The following SGIP1 variants were observed in gnomAD, a reference collection of about 807,000 sequenced individuals.
The protein encoded by SGIP1 is SH3GL interacting endocytic adaptor 1, also known as SH3-containing GRB2-like protein 3-interacting protein 1.
In SGIP1, 38 loss-of-function variants were observed where a neutral mutation model predicts 107.5. The observed-to-expected ratio is 0.35, with a 90% CI of 0.27 to 0.46. The LOEUF is 0.46. Ranked by LOEUF, SGIP1 falls within the 20% of genes least tolerant of loss-of-function variation. SGIP1 has a pLI of 1.00. For missense variants in SGIP1, 929 were observed against 1,019.5 expected, an observed-to-expected ratio of 0.91 and a Z score of 1.21; for synonymous variants, 365 against 366.1, an observed-to-expected ratio of 1.00 and a Z score of 0.03.
At chr1:66,631,699 C>CTCTCTT in intron 2 of SGIP1, among the ~76,000 whole-genome samples, 1 of 36,830 alleles carries the variant, frequency 2.7e-5, no homozygotes, top group Middle Eastern at 0.011. Flanking sequence ...CTCTCTCTCT[C>CTCTCTT]TCTCTCTCTC....
intron 1 of SGIP1, among the ~76,000 whole-genome samples, chr1:66,572,592 C>T (rs1330741876): frequency 1.3e-5 from 2 of 152,046 alleles, no homozygotes; most frequent in South Asian, 2.1e-4. Context: ...AAAACATGCA[C>T]TTCCCTTTTG....
At chr1:66,579,810 A>G (rs2061572444) in intron 1 of SGIP1, among the ~76,000 whole-genome samples, 1 of 152,060 alleles carries the variant, frequency 6.6e-6, no homozygotes, top group Non-Finnish European at 1.5e-5. Context: ...CCCAAATACA[A>G]CTGGTCATTC....
chr1:66,719,291 C>T lies in SGIP1; in HGVS notation c.1631-3C>T, dbSNP rs754330491. ...ATAAATGAAAATTTTTCATTTCATG[C>T]AGGTTCTTCCAGGGGACCCAGCCCC... On this transcript the variant is annotated splice_region_variant and splice_polypyrimidine_tract_variant and intron_variant, in intron 18 of 24. Transcript: ENST00000371037. 26 of 1,598,528 alleles carry T rather than the reference C, an allele frequency of 1.6e-5. No individual in the cohort carries two copies. The African/African-American group carries it at 3.2e-4, about 20-fold the overall frequency.
intron 18 of SGIP1, 118 bp from the exon 19 acceptor site, chr1:66,719,176 T>G: frequency 3.4e-6 from 2 of 596,288 alleles, no homozygotes; most frequent in South Asian, 2.7e-5. Context: ...TCTTAGCACA[T>G]TTTGTTTTAC....
At chr1:66,738,731 T>A (rs1196620759) in intron 21 of SGIP1, among the ~76,000 whole-genome samples, 1 of 152,192 alleles carries the variant, frequency 6.6e-6, no homozygotes, top group Non-Finnish European at 1.5e-5. Context: ...AAACCAGGTG[T>A]GAAATCCCAA....
At position 66,719,418 on chromosome 1, in the gene SGIP1, C is replaced by G. The variant is rs2093411372; in HGVS notation, c.1742+13C>G. ...CAGACCCAAGCAAGTAAGCCTGATA[C>G]TTGGTCCATTGTACTTTCTGAGTTC... On this transcript the variant is annotated intron_variant, in intron 19 of 24. Transcript: ENST00000371037. 6.3e-7 allele frequency: 1 copy of G among 1,594,742 alleles called. No homozygotes were observed. Among genetic ancestry groups the G allele is most frequent in the East Asian group, 2.2e-5 (1 of 44,716 alleles).
intron 1 of SGIP1, among the ~76,000 whole-genome samples, chr1:66,543,952 T>G (rs2055668211): frequency 6.6e-6 from 1 of 152,180 alleles, no homozygotes; most frequent in Non-Finnish European, 1.5e-5. Flanking sequence ...ATTTATAAAT[T>G]AGGCACAGTA....
chr1:66,712,374 A>G (rs575506472), intron 18 of SGIP1, among the ~76,000 whole-genome samples: 2 of 152,288 alleles, frequency 1.3e-5, no homozygotes, highest in African/African-American at 4.8e-5. Flanking sequence ...GGAAGAGATT[A>G]TACGGAAAAT....
chr1:66,725,667 A>G (rs1454764089), intron 19 of SGIP1, among the ~76,000 whole-genome samples: 2 of 152,236 alleles, frequency 1.3e-5, no homozygotes, highest in South Asian at 4.1e-4. Flanking sequence ...TATATAAAAC[A>G]ATGACTTGCA....
At chr1:66,545,155 C>T (rs2056079642) in intron 1 of SGIP1, among the ~76,000 whole-genome samples, 1 of 152,160 alleles carries the variant, frequency 6.6e-6, no homozygotes, top group Non-Finnish European at 1.5e-5. Context: ...CATCAATTTC[C>T]TCATCTGCCT....
At chr1:66,597,766 C>G (rs548108285) in intron 1 of SGIP1, among the ~76,000 whole-genome samples, 1 of 152,206 alleles carries the variant, frequency 6.6e-6, no homozygotes, top group South Asian at 2.1e-4. Context: ...TACTCTATCC[C>G]CTGTCCATGC....
At chr1:66,554,922 TGAGTAA>T (rs2057968396) in intron 1 of SGIP1, among the ~76,000 whole-genome samples, 3 of 152,158 alleles carry the variant, frequency 2.0e-5, no homozygotes, top group African/African-American at 4.8e-5. Flanking sequence ...ATCTTTAAAG[TGAGTAA>T]CCTTAGAGAT....
At chr1:66,577,145 C>T (rs1027647700) in intron 1 of SGIP1, among the ~76,000 whole-genome samples, 7 of 152,168 alleles carry the variant, frequency 4.6e-5, no homozygotes, top group Non-Finnish European at 1.0e-4. Flanking sequence ...CTGAGACCAT[C>T]CTTCTCTTAT....
rs566272236 is a variant in SGIP1 at position 66,658,727 on chromosome 1, A to G, written c.460-1786A>G. Among the ~76,000 whole-genome samples the G allele has an allele frequency of 5.9e-5, 9 of 152,342 alleles. No homozygotes were observed. In the South Asian group the frequency reaches 1.9e-3, roughly 32 times the overall value. ...AACAAAATAAAAATTGCAGAAATGTACTAGCAATGGGTACCTTTGTTCCCT... is the reference window on the plus strand; with the variant it reads ...AACAAAATAAAAATTGCAGAAATGTGCTAGCAATGGGTACCTTTGTTCCCT... On this transcript the variant is annotated intron_variant, in intron 7 of 24. Transcript: ENST00000371037.
intron 10 of SGIP1, 53 bp downstream of exon 10, chr1:66,671,072 T>A (rs1571582545): frequency 1.0e-6 from 1 of 958,660 alleles, no homozygotes; most frequent in East Asian, 2.6e-5. Context: ...GAAAGAACAG[T>A]TCCTTGGATC....
chr1:66,568,391 TG>T (rs1166445886), intron 1 of SGIP1, among the ~76,000 whole-genome samples: 1 of 151,930 alleles, frequency 6.6e-6, no homozygotes, highest in African/African-American at 2.4e-5. Flanking sequence ...AAGGAGTTTT[TG>T]GGCTGAGATG....
chr1:66,640,456 G>T (rs980832529), intron 5 of SGIP1, among the ~76,000 whole-genome samples: 3 of 152,080 alleles, frequency 2.0e-5, no homozygotes, highest in African/African-American at 7.2e-5. Flanking sequence ...GTGACCTCTG[G>T]GCAAAGGCCT....
At chr1:66,540,889 C>A (rs1239233435) in intron 1 of SGIP1, among the ~76,000 whole-genome samples, 1 of 152,194 alleles carries the variant, frequency 6.6e-6, no homozygotes, top group Non-Finnish European at 1.5e-5. Context: ...TGCCATACCT[C>A]TAGAACTTCC....
intron 19 of SGIP1, 44 bp from the exon 20 acceptor site, chr1:66,729,220 C>G: frequency 6.3e-7 from 1 of 1,598,696 alleles, no homozygotes; most frequent in Non-Finnish European, 8.5e-7. Context: ...AGTGTATTGA[C>G]ATGGATTTTC....
Sources: allele counts gnomAD v4.1 joint callset (sites outside exome capture counted in the v4.1 genomes callset), GRCh38; gene constraint gnomAD v4.1.1; transcripts MANE v1.5; gene names NCBI Gene and HGNC (gene_info 2026-07-23, HGNC 2026-07-21).